SIMC1: variants seen among roughly 807,000 people sequenced by gnomAD.
SIMC1 encodes the protein SUMO interacting motifs containing 1, also known as SUMO-interacting motif-containing protein 1.
A neutral mutation model predicts 82.3 loss-of-function variants in SIMC1; 55 were observed. The ratio of observed to expected loss-of-function variants is 0.67; its 90% CI spans 0.54 to 0.84. The LOEUF (loss-of-function observed/expected upper bound fraction) is 0.84. SIMC1 is among the 40% of genes least tolerant of loss of function. The pLI, the probability that SIMC1 is intolerant of heterozygous loss-of-function variation, is 0.00. For missense variants in SIMC1, 915 were observed against 1,107.2 expected (o/e 0.83, Z 2.46); for synonymous variants, 353 against 426.3 (o/e 0.83, Z 2.12).
At chr5:176,335,469 G>A (rs1011520513) in intron 7 of SIMC1, among the ~76,000 whole-genome samples, 1 of 151,370 alleles carries the variant, frequency 6.6e-6, no homozygotes, top group Non-Finnish European at 1.5e-5. Flanking sequence ...TAGAGACAGG[G>A]TATCACCGTT....
At chr5:176,271,937 A>G (rs1400299806) in intron 1 of SIMC1, among the ~76,000 whole-genome samples, 1 of 142,924 alleles carries the variant, frequency 7.0e-6, no homozygotes, top group African/African-American at 2.5e-5. Flanking sequence ...TATAATATAT[A>G]CTATTATATA....
At chr5:176,277,989 G>T (rs1762793639) in intron 1 of SIMC1, among the ~76,000 whole-genome samples, 2 of 142,724 alleles carry the variant, frequency 1.4e-5, no homozygotes, top group South Asian at 4.9e-4. Context: ...TGTGAAGAAA[G>T]TCATTGGTAG....
chr5:176,329,326 C>A (rs771872655), intron 7 of SIMC1, among the ~76,000 whole-genome samples: 38 of 151,996 alleles, frequency 2.5e-4, no homozygotes, highest in Non-Finnish European at 4.9e-4. Context: ...AAAAAATTAG[C>A]CGGGTGCGGT....
intron 1 of SIMC1, among the ~76,000 whole-genome samples, chr5:176,279,648 C>T (rs1328414097): frequency 8.9e-4 from 134 of 150,132 alleles, no homozygotes; most frequent in African/African-American, 2.9e-3. Context: ...GCTTTGAATG[C>T]GTCCCAGAGA....
intron 1 of SIMC1, among the ~76,000 whole-genome samples, chr5:176,282,099 C>A: frequency 6.6e-6 from 1 of 152,258 alleles, no homozygotes; most frequent in Non-Finnish European, 1.5e-5. Flanking sequence ...TGGAGCTTCC[C>A]GGCTGCTTTG....
intron 5 of SIMC1, among the ~76,000 whole-genome samples, chr5:176,320,977 C>T (rs1362669171): frequency 6.6e-6 from 1 of 152,092 alleles, no homozygotes; most frequent in Non-Finnish European, 1.5e-5. Flanking sequence ...AAATCAAAGA[C>T]TAAGCCCTTG....
At position 176,334,906 on chromosome 5, in the gene SIMC1, A is replaced by G. The variant is rs143401207; in HGVS notation, c.2172-1814A>G. On this transcript the variant is annotated intron_variant, in intron 7 of 9. Transcript: ENST00000429602. Reference sequence around the variant, plus strand: ...CAGGAGTTCGAGACCAGCCTGGCCAACATGGTGAAACATGTCTCTACTAAA... The same window carrying G: ...CAGGAGTTCGAGACCAGCCTGGCCAGCATGGTGAAACATGTCTCTACTAAA... Among the ~76,000 whole-genome samples, 824 of 152,186 alleles carry G rather than the reference A, an allele frequency of 5.4e-3. 19 individuals carry two copies. The highest frequency in any genetic ancestry group is 0.037 in the Admixed American group (567 of 15,278).
At chr5:176,306,630 C>T (rs950191724) in intron 4 of SIMC1, among the ~76,000 whole-genome samples, 1 of 151,608 alleles carries the variant, frequency 6.6e-6, no homozygotes, top group African/African-American at 2.4e-5. Context: ...CCTGTGCTCT[C>T]TGAAACATGT....
intron 3 of SIMC1, among the ~76,000 whole-genome samples, chr5:176,295,618 C>T (rs538332336): frequency 6.6e-6 from 1 of 151,532 alleles, no homozygotes; most frequent in South Asian, 2.1e-4. Flanking sequence ...AGCCTCTCAG[C>T]CTCAGTTCTG....
intron 1 of SIMC1, among the ~76,000 whole-genome samples, chr5:176,282,924 G>A (rs1479546518): frequency 6.6e-6 from 1 of 152,236 alleles, no homozygotes; most frequent in Non-Finnish European, 1.5e-5. Context: ...AAGGGTATCA[G>A]TGATTGAAGA....
At chr5:176,314,650 GCATGGAACTA>G (rs1014901691) in intron 5 of SIMC1, among the ~76,000 whole-genome samples, 1 of 152,162 alleles carries the variant, frequency 6.6e-6, no homozygotes, top group African/African-American at 2.4e-5. Flanking sequence ...GTTTCTGGAA[GCATGGAACTA>G]CTATATGCTT....
At chr5:176,324,889 T>A in intron 7 of SIMC1, 132 bp downstream of exon 7, 1 of 1,066,934 alleles carries the variant, frequency 9.4e-7, no homozygotes, top group South Asian at 1.8e-5. Context: ...AAGAGAAAAT[T>A]CCAAACTAAT....
At chr5:176,289,389 A>G (rs1004499414) in intron 1 of SIMC1, among the ~76,000 whole-genome samples, 12 of 151,490 alleles carry the variant, frequency 7.9e-5, no homozygotes, top group Non-Finnish European at 1.8e-4. Context: ...AATATCTCCT[A>G]CTACTCCCCT....
At position 176,345,172 on chromosome 5, in the gene SIMC1, C is replaced by A. The variant is rs1219356443; in HGVS notation, c.2414-11C>A. 3 of 1,602,696 alleles carry A rather than the reference C, an allele frequency of 1.9e-6. No homozygotes were observed. The highest frequency in any genetic ancestry group is 1.7e-4 in the Middle Eastern group (1 of 5,990). On this transcript the variant is annotated splice_polypyrimidine_tract_variant and intron_variant, in intron 9 of 9. Transcript: ENST00000429602. Reference sequence around the variant, plus strand: ...TTCAGAGCACCCAACTGACTTTTTTCCCTCTTGCAGAACACTTAAGGAGTT... The same window carrying A: ...TTCAGAGCACCCAACTGACTTTTTTACCTCTTGCAGAACACTTAAGGAGTT...
At chr5:176,332,756 A>T (rs1016457707) in intron 7 of SIMC1, among the ~76,000 whole-genome samples, 4 of 152,240 alleles carry the variant, frequency 2.6e-5, no homozygotes, top group Non-Finnish European at 5.9e-5. Context: ...ATTATTAAAG[A>T]GTTCAGAGAC....
rs1764794363 is a variant in SIMC1, at chr5:176,314,065, G to A, written c.1889+220G>A. Among the ~76,000 whole-genome samples, 5 of 152,278 alleles carry A rather than the reference G, an allele frequency of 3.3e-5. No homozygotes were observed. In the South Asian group the frequency reaches 1.0e-3, roughly 32 times the overall value. On this transcript the variant is annotated intron_variant, in intron 5 of 9. Transcript: ENST00000429602. ...GCGGATCATTTGAGGTCAGGAGTTCGAAACCAGCCTGGCCAACATGGCAAA... is the reference window on the plus strand; with the variant it reads ...GCGGATCATTTGAGGTCAGGAGTTCAAAACCAGCCTGGCCAACATGGCAAA...
At chr5:176,303,325 ATT>A (rs374155075) in intron 4 of SIMC1, among the ~76,000 whole-genome samples, 104 of 123,140 alleles carry the variant, frequency 8.4e-4, no homozygotes, top group African/African-American at 2.9e-3. Context: ...AGCCAAAGCA[ATT>A]TTTTTTTTTT....
At chr5:176,300,572 T>C (rs1239544158) in intron 4 of SIMC1, among the ~76,000 whole-genome samples, 1 of 151,154 alleles carries the variant, frequency 6.6e-6, no homozygotes, top group Non-Finnish European at 1.5e-5. Context: ...TTCTCCCACC[T>C]TTGCCTCCCA....
intron 1 of SIMC1, among the ~76,000 whole-genome samples, chr5:176,264,941 G>A (rs574190782): frequency 1.1e-4 from 17 of 152,290 alleles, no homozygotes; most frequent in Non-Finnish European, 2.1e-4. Flanking sequence ...GGCCAAGGAG[G>A]GAAGATTGCT....
Sources: allele counts gnomAD v4.1 joint callset (sites outside exome capture counted in the v4.1 genomes callset), GRCh38; gene constraint gnomAD v4.1.1; transcripts MANE v1.5; gene names NCBI Gene and HGNC (gene_info 2026-07-23, HGNC 2026-07-21).